CHD9: variants seen among roughly 807,000 people sequenced by gnomAD.
The protein encoded by CHD9 is ATP-dependent chromatin remodeler CHD9.
In CHD9, 77 loss-of-function variants were observed where a neutral mutation model predicts 316.1. That is an observed-to-expected ratio of 0.24 (90% confidence interval 0.20 to 0.29). The LOEUF (loss-of-function observed/expected upper bound fraction) is 0.29. Ranked by LOEUF, CHD9 falls within the 10% of genes least tolerant of loss-of-function variation. The pLI is 1.00. For synonymous variants in CHD9, 1,129 were observed against 1,158.3 expected (o/e 0.97, Z 0.51); for missense variants, 2,763 against 3,438.1 (o/e 0.80, Z 4.91).
rs2055959505 is a variant in CHD9 at position 53,306,244 on chromosome 16, T to C, written c.6627T>C (p.Thr2209=). Residue 2209 remains threonine, a synonymous_variant, in exon 32 of 39, where the codon ACT becomes ACC. Transcript: ENST00000447540. ...DEEEAQKRES[T]THMKAYDEES... ...TATAATTGTTTTTAGCAGAAAGTAC[T>C]ACTCACATGAAAGCCTATGATGAAG... The C allele has an allele frequency of 7.1e-6, 11 of 1,545,318 alleles. No homozygotes were observed. Among genetic ancestry groups the C allele is most frequent in the Non-Finnish European group, 8.7e-6 (10 of 1,150,870 alleles).
intron 1 of CHD9, among the ~76,000 whole-genome samples, chr16:53,145,122 C>G (rs1417894133): frequency 6.6e-6 from 1 of 151,732 alleles, no homozygotes; most frequent in African/African-American, 2.4e-5. Flanking sequence ...TCTAAGCAGC[C>G]TGGGCACAGT....
intron 1 of CHD9, among the ~76,000 whole-genome samples, chr16:53,067,464 CA>C (rs1462684591): frequency 6.6e-6 from 1 of 152,066 alleles, no homozygotes; most frequent in Non-Finnish European, 1.5e-5. Flanking sequence ...TTTATACCAA[CA>C]AAAATGGGCT....
intron 8 of CHD9, among the ~76,000 whole-genome samples, chr16:53,230,451 C>T (rs1263152390): frequency 1.3e-5 from 2 of 152,056 alleles, no homozygotes; most frequent in South Asian, 2.1e-4. Context: ...AGACCTCCAT[C>T]TCTATTTTTT....
At chr16:53,092,120 C>A (rs762183112) in intron 1 of CHD9, among the ~76,000 whole-genome samples, 5 of 152,190 alleles carry the variant, frequency 3.3e-5, no homozygotes, top group South Asian at 2.1e-4. Context: ...ACTTCCCCCC[C>A]AGCTGTGGAT....
At chr16:53,229,810 A>G (rs7190841) in intron 8 of CHD9, among the ~76,000 whole-genome samples, 5,094 of 152,272 alleles carry the variant, frequency 0.033, 296 homozygotes, top group African/African-American at 0.12. Flanking sequence ...ACACTTTAGT[A>G]TATATTTCCT....
At chr16:53,087,218 C>G (rs1433328968) in intron 1 of CHD9, among the ~76,000 whole-genome samples, 4 of 152,144 alleles carry the variant, frequency 2.6e-5, no homozygotes, top group African/African-American at 9.7e-5. Context: ...CCTCCAAACC[C>G]TTGACACCAA....
rs2051805876 is a variant in CHD9 at position 53,267,425 on chromosome 16, T to C, written c.4452T>C (p.Cys1484=). 6.2e-7 allele frequency: 1 copy of C among 1,612,734 alleles called. No individual in the cohort carries two copies. The highest frequency in any genetic ancestry group is 1.3e-5 in the African/African-American group (1 of 74,870). Residue 1484 remains cysteine (C), a synonymous_variant, in exon 21 of 39, where the codon TGT becomes TGC. Coordinates refer to ENST00000447540, the MANE Select transcript of CHD9 (RefSeq NM_001308319.2). ...GDEKPKLRRP[C]DRSNGYGRTE... ...AAAAGCCCAAACTCCGGAGACCCTGTGACCGTTCCAATGGCTATGGAAGAA... is the reference window on the plus strand; with the variant it reads ...AAAAGCCCAAACTCCGGAGACCCTGCGACCGTTCCAATGGCTATGGAAGAA...
intron 1 of CHD9, among the ~76,000 whole-genome samples, chr16:53,100,381 TA>T (rs1449665800): frequency 4.0e-5 from 6 of 151,524 alleles, no homozygotes; most frequent in Non-Finnish European, 4.4e-5. Flanking sequence ...ATCACACCTG[TA>T]AAAAGCGATA....
intron 1 of CHD9, among the ~76,000 whole-genome samples, chr16:53,083,943 C>T (rs1396624544): frequency 6.6e-6 from 1 of 151,858 alleles, no homozygotes; most frequent in Non-Finnish European, 1.5e-5. Flanking sequence ...GAGATAGGGT[C>T]TCACTTTGTT....
chr16:53,203,750 G>A (rs936025282), intron 2 of CHD9, among the ~76,000 whole-genome samples: 2 of 151,958 alleles, frequency 1.3e-5, no homozygotes, highest in Non-Finnish European at 2.9e-5. Context: ...AGAGCCAGGC[G>A]TGGTGGCTCA....
At position 53,321,519 on chromosome 16, in the gene CHD9, T is replaced by G. The variant is rs942428146; in HGVS notation, c.7714-7T>G. The G allele has an allele frequency of 6.5e-7, 1 of 1,532,196 alleles. No homozygotes were observed. The highest frequency in any genetic ancestry group is 1.4e-5 in the African/African-American group (1 of 73,280). 94.9% of individuals were successfully genotyped at this position (1,532,196 alleles called of 1,614,324 possible). A position where few individuals can be genotyped will look rare whatever the true frequency, so the allele number is the denominator to read the frequency against. On this transcript the variant is annotated splice_polypyrimidine_tract_variant and splice_region_variant and intron_variant, in intron 37 of 38. Transcript: ENST00000447540. ...GTTGTAGTATTTAATCTGTTTCTAA[T>G]TTACAGGTTGGAGGTGCATTTGCTC...
intron 1 of CHD9, among the ~76,000 whole-genome samples, chr16:53,089,379 G>T (rs973478416): frequency 6.6e-6 from 1 of 152,182 alleles, no homozygotes; most frequent in Non-Finnish European, 1.5e-5. Context: ...AAGTCCTCAG[G>T]CACATTATTG....
intron 2 of CHD9, among the ~76,000 whole-genome samples, chr16:53,179,913 G>C (rs995358659): frequency 3.3e-5 from 5 of 150,968 alleles, no homozygotes; most frequent in Admixed American, 2.6e-4. Context: ...AAAAAAAATA[G>C]TAATTAAGCA....
rs753369473 is a variant in CHD9, at chr16:53,245,668, C to A, written c.3272C>A (p.Ala1091Glu). 1.9e-6 allele frequency: 3 copies of A among 1,607,998 alleles called. No individual in the cohort carries two copies. In the African/African-American group the frequency reaches 4.0e-5, roughly 22 times the overall value. Reference sequence around the variant, plus strand: ...AAAGAAGATGTGGAAAAGAAGTTGGCACCTAAAGAAGAAACCATCATTGAA... The same window carrying A: ...AAAGAAGATGTGGAAAAGAAGTTGGAACCTAAAGAAGAAACCATCATTGAA... ...RLKEDVEKKL[A>E]PKEETIIEVE... The change falls in exon 15 of 39, where the codon GCA becomes GAA. Residue 1091 changes from alanine to glutamate, a missense_variant. Coordinates refer to ENST00000447540, the MANE Select transcript of CHD9 (RefSeq NM_001308319.2). This position sits in a 1 kb window ranked among gnomAD's most constrained non-coding sequence, Gnocchi z 4.1.
intron 34 of CHD9, among the ~76,000 whole-genome samples, chr16:53,309,391 C>G (rs924862811): frequency 6.6e-6 from 1 of 152,170 alleles, no homozygotes; most frequent in South Asian, 2.1e-4. Context: ...ATAGGTTCTT[C>G]TCAATTATCG....
At chr16:53,085,887 T>A (rs556948867) in intron 1 of CHD9, among the ~76,000 whole-genome samples, 2 of 152,318 alleles carry the variant, frequency 1.3e-5, no homozygotes, top group East Asian at 3.9e-4. Flanking sequence ...CAGGCCTTAC[T>A]TAACCTTGAT....
In CHD9 at chr16:53,311,029, T is replaced by A. The variant is rs1743420615; in HGVS notation, c.7222+2175T>A. ...TAGCAAGACCCATCTCTGAAAAAAA[T>A]TTAAAAATTAGCTGGATATGGTGGT... On this transcript the variant is annotated intron_variant, in intron 34 of 38. Transcript: ENST00000447540. 2.0e-5 allele frequency: 3 copies of A among 151,474 alleles called. No homozygotes were observed. The South Asian group carries it at 6.3e-4, about 32-fold the overall frequency. 9.4% of individuals were successfully genotyped at this position (151,474 alleles called of 1,614,324 possible).
At position 53,326,126 on chromosome 16, in the gene CHD9, T is replaced by C. The variant is rs2057532494; in HGVS notation, c.*1231T>C. 6.6e-6 allele frequency: 1 copy of C among 152,602 alleles called. No homozygotes were observed. The allele number at this position is 152,602 out of a possible 1,614,324, so 9.5% of individuals were successfully genotyped here. A position where few individuals can be genotyped will look rare whatever the true frequency, so the allele number is the denominator to read the frequency against. On this transcript the variant is annotated 3_prime_UTR_variant, in exon 39 of 39. Transcript: ENST00000447540. ...GCTTCTGTTCAATTTCATAGACTCC[T>C]TTACCATGTAAAATTTGTCTGATAT... is the stretch of plus-strand genomic sequence containing the variant.
At chr16:53,197,385 G>A (rs1010114502) in intron 2 of CHD9, among the ~76,000 whole-genome samples, 4 of 152,018 alleles carry the variant, frequency 2.6e-5, no homozygotes, top group Admixed American at 6.6e-5. Flanking sequence ...AACAATACAC[G>A]AACAAATTGA....
Sources: allele counts gnomAD v4.1 joint callset (sites outside exome capture counted in the v4.1 genomes callset), GRCh38; gene constraint gnomAD v4.1.1; non-coding constraint Gnocchi (gnomAD v3.1); transcripts MANE v1.5; gene names NCBI Gene and HGNC (gene_info 2026-07-23, HGNC 2026-07-21).